Variants in KCNIP1 observed in about 807,000 individuals in gnomAD.
KCNIP1 encodes A-type potassium channel modulatory protein KCNIP1.
In KCNIP1, 18 loss-of-function variants were observed where a neutral mutation model predicts 33.0. That is an observed-to-expected ratio of 0.55 (90% CI 0.38 to 0.81). The LOEUF is 0.81. Among genes scored for constraint, KCNIP1 ranks in the 30% least tolerant of loss-of-function variants. KCNIP1 has a pLI of 0.00. For synonymous variants in KCNIP1, 93 were observed against 98.3 expected (o/e 0.95, Z 0.32); for missense variants, 238 against 271.6 (o/e 0.88, Z 0.87).
chr5:170,599,673 A>G (rs74624820), intron 1 of KCNIP1, among the ~76,000 whole-genome samples: 23,674 of 116,238 alleles, frequency 0.2, 2,351 homozygotes, highest in Middle Eastern at 0.31. Flanking sequence ...CAATGGACCT[A>G]GGGGTGGGGA....
intron 1 of KCNIP1, among the ~76,000 whole-genome samples, chr5:170,683,788 A>G (rs929970724): frequency 2.0e-5 from 3 of 150,898 alleles, no homozygotes; most frequent in Non-Finnish European, 4.4e-5. Flanking sequence ...CAGTGGCATG[A>G]TATCAGTTCA....
intron 1 of KCNIP1, among the ~76,000 whole-genome samples, chr5:170,642,415 C>A (rs1760603529): frequency 6.6e-6 from 1 of 152,180 alleles, no homozygotes; most frequent in South Asian, 2.1e-4. Flanking sequence ...TCACAGCTGC[C>A]CAGTGGCTGT....
At chr5:170,450,262 C>T (rs556508417) in intron 1 of KCNIP1, among the ~76,000 whole-genome samples, 3 of 152,126 alleles carry the variant, frequency 2.0e-5, no homozygotes, top group Non-Finnish European at 4.4e-5. Context: ...TTACAGCACC[C>T]TCCTCGGTGC....
rs1324579201 is a variant in KCNIP1 at position 170,367,397 on chromosome 5, GAAA to G, written c.88+13434_88+13436del. ...AGAAAGAAAGAAAGAAAGAAAGAAA[GAAA>G]GAAAGAAAGAAAGAAAGAAAGGAAA... On this transcript the variant is annotated intron_variant, in intron 1 of 7. Transcript: ENST00000377360. 4.5e-3 allele frequency among the ~76,000 whole-genome samples: 555 copies of G among 122,390 alleles called. 11 individuals carry two copies. The highest frequency in any genetic ancestry group is 0.023 in the Middle Eastern group (6 of 266). The allele number at this position is 122,390 out of a possible 152,430, so 80.3% of individuals were successfully genotyped here. A position where few individuals can be genotyped will look rare whatever the true frequency, so the allele number is the denominator to read the frequency against.
intron 1 of KCNIP1, among the ~76,000 whole-genome samples, chr5:170,591,601 C>T (rs2113553418): frequency 6.6e-6 from 1 of 152,274 alleles, no homozygotes; most frequent in East Asian, 1.9e-4. Flanking sequence ...TTAAACGACT[C>T]CCCATTCCCT....
intron 1 of KCNIP1, among the ~76,000 whole-genome samples, chr5:170,679,671 A>C (rs931174114): frequency 7.4e-6 from 1 of 134,294 alleles, no homozygotes; most frequent in Non-Finnish European, 1.6e-5. Context: ...GTTCCTTTCC[A>C]ATATTAAAAT....
intron 5 of KCNIP1, among the ~76,000 whole-genome samples, chr5:170,728,603 A>G: frequency 6.6e-6 from 1 of 152,198 alleles, no homozygotes; most frequent in East Asian, 1.9e-4. Context: ...AATTTAAAGC[A>G]CATGGGCATT....
chr5:170,595,222 G>T (rs1347903958), intron 1 of KCNIP1, among the ~76,000 whole-genome samples: 1 of 152,218 alleles, frequency 6.6e-6, no homozygotes, highest in Non-Finnish European at 1.5e-5. Context: ...AAAATGGAGG[G>T]CAGCGGTACC....
intron 1 of KCNIP1, among the ~76,000 whole-genome samples, chr5:170,528,178 A>G (rs1581276409): frequency 6.6e-6 from 1 of 152,236 alleles, no homozygotes; most frequent in Middle Eastern, 3.4e-3. Context: ...CTGCTCTGGA[A>G]CTGGAGGCTC....
intron 1 of KCNIP1, chr5:170,681,394 C>A (rs1762341746): frequency 5.7e-6 from 2 of 348,316 alleles, no homozygotes; most frequent in Non-Finnish European, 1.0e-5. Flanking sequence ...CTGGGGAGTG[C>A]GGGAGCCAGG....
intron 1 of KCNIP1, among the ~76,000 whole-genome samples, chr5:170,480,631 A>G (rs1209039146): frequency 6.6e-6 from 1 of 151,740 alleles, no homozygotes; most frequent in Non-Finnish European, 1.5e-5. Flanking sequence ...TGTATTTGAG[A>G]TGGGGTCTCT....
At chr5:170,562,849 C>A (rs555864980) in intron 1 of KCNIP1, among the ~76,000 whole-genome samples, 3 of 152,194 alleles carry the variant, frequency 2.0e-5, no homozygotes, top group African/African-American at 7.2e-5. Flanking sequence ...AAGGTTCAGG[C>A]CCTGGAATAT....
At chr5:170,630,494 G>A (rs139981340) in intron 1 of KCNIP1, among the ~76,000 whole-genome samples, 3 of 152,336 alleles carry the variant, frequency 2.0e-5, no homozygotes, top group South Asian at 2.1e-4. Context: ...CGAGTGTGTC[G>A]TTATGTCGCT....
chr5:170,522,597 G>C (rs537907929), intron 1 of KCNIP1, among the ~76,000 whole-genome samples: 1 of 152,370 alleles, frequency 6.6e-6, no homozygotes, highest in Admixed American at 6.5e-5. Context: ...ACTGCCAGAG[G>C]CTGGGGAATT....
At chr5:170,382,553 C>T (rs1311083105) in intron 1 of KCNIP1, 1 of 152,330 alleles carries the variant, frequency 6.6e-6, no homozygotes, top group Non-Finnish European at 1.5e-5. Flanking sequence ...TTCCCTCCGC[C>T]ATGCCTCGTC....
At chr5:170,444,685 AT>A (rs1250056424) in intron 1 of KCNIP1, among the ~76,000 whole-genome samples, 1 of 142,902 alleles carries the variant, frequency 7.0e-6, no homozygotes, top group Non-Finnish European at 1.5e-5. Context: ...TACAAATTAT[AT>A]TTTTTCTTTT....
chr5:170,661,408 G>A (rs922110729), intron 1 of KCNIP1, among the ~76,000 whole-genome samples: 6 of 152,202 alleles, frequency 3.9e-5, no homozygotes, highest in African/African-American at 1.4e-4. Context: ...CCTGTAAAAT[G>A]AGGGGGTGAT....
chr5:170,624,735 G>GGT (rs1561725043), intron 1 of KCNIP1, among the ~76,000 whole-genome samples: 3 of 115,022 alleles, frequency 2.6e-5, no homozygotes, highest in Non-Finnish European at 3.7e-5. Context: ...GGGGAGGTGG[G>GGT]GGGGGAGAGG....
At chr5:170,581,326 G>A (rs919268858) in intron 1 of KCNIP1, among the ~76,000 whole-genome samples, 10 of 152,200 alleles carry the variant, frequency 6.6e-5, no homozygotes, top group Non-Finnish European at 1.0e-4. Context: ...CACAAGTTGA[G>A]CTCACAATTA....
Sources: gnomAD v4.1 joint callset for allele counts (sites outside exome capture counted in the v4.1 genomes callset) on GRCh38, gnomAD v4.1.1 for gene constraint, MANE v1.5 for transcripts, NCBI Gene and HGNC (gene_info 2026-07-23, HGNC 2026-07-21) for gene names.